Variants in SEMA3D observed in about 807,000 individuals in gnomAD.
SEMA3D encodes the protein semaphorin-3D.
A neutral mutation model predicts 100.1 loss-of-function variants in SEMA3D; 84 were observed. The observed-to-expected ratio is 0.84, with a 90% confidence interval of 0.70 to 1.01. SEMA3D has a LOEUF of 1.01. SEMA3D is among the 50% of genes least tolerant of loss of function. The probability of loss-of-function intolerance (pLI) is 0.00; values close to 1 mark genes in which losing one functional copy is unlikely to be tolerated. For synonymous variants in SEMA3D, 312 were observed against 320.7 expected (o/e 0.97, Z 0.29); for missense variants, 875 against 934.1 (o/e 0.94, Z 0.82).
the SEMA3D span, among the ~76,000 whole-genome samples, chr7:85,214,588 C>T: frequency 1.7e-4 from 26 of 150,178 alleles, no homozygotes; most frequent in African/African-American, 6.1e-4. Context: ...CCTCTACCTC[C>T]CGGGTTCAAG....
At chr7:85,086,885 C>T (rs770286971) in intron 4 of SEMA3D, among the ~76,000 whole-genome samples, 20 of 152,046 alleles carry the variant, frequency 1.3e-4, no homozygotes, top group African/African-American at 3.9e-4. Context: ...TTTGAGATTG[C>T]GTCACTATTA....
chr7:85,221,962 CATA>C, the SEMA3D span, among the ~76,000 whole-genome samples: 3 of 151,986 alleles, frequency 2.0e-5, no homozygotes, highest in Non-Finnish European at 2.9e-5. Flanking sequence ...GCAAGAAACA[CATA>C]ATAATCATTG....
chr7:85,243,629 T>C, the SEMA3D span, among the ~76,000 whole-genome samples: 1 of 152,208 alleles, frequency 6.6e-6, no homozygotes, highest in African/African-American at 2.4e-5. Flanking sequence ...GAATAGCAAA[T>C]TCTAAGCCCC....
intron 2 of SEMA3D, among the ~76,000 whole-genome samples, chr7:85,135,979 A>C (rs62462188): frequency 0.58 from 88,253 of 151,766 alleles, 27,223 homozygotes; most frequent in African/African-American, 0.8. Context: ...TCCCACATTT[A>C]TAGAAAATTC....
chr7:85,098,956 C>T (rs1210074333), intron 3 of SEMA3D, among the ~76,000 whole-genome samples: 1 of 151,816 alleles, frequency 6.6e-6, no homozygotes, highest in Non-Finnish European at 1.5e-5. Flanking sequence ...TGGCTTCTTT[C>T]ACTTAGTAAT....
At chr7:85,175,734 G>A (rs982554967) in intron 1 of SEMA3D, among the ~76,000 whole-genome samples, 1 of 151,868 alleles carries the variant, frequency 6.6e-6, no homozygotes, top group African/African-American at 2.4e-5. Context: ...GAATAATCTG[G>A]CTACTTTTAT....
chr7:85,019,954 C>T (rs1338090884), intron 14 of SEMA3D, among the ~76,000 whole-genome samples: 3 of 151,578 alleles, frequency 2.0e-5, no homozygotes, highest in Non-Finnish European at 3.0e-5. Context: ...CCCAGGCTTT[C>T]ATTTAATGTG....
At chr7:85,111,724 A>C (rs1041286034) in intron 3 of SEMA3D, among the ~76,000 whole-genome samples, 3 of 152,062 alleles carry the variant, frequency 2.0e-5, no homozygotes, top group African/African-American at 7.2e-5. Flanking sequence ...GTGGATTCCC[A>C]TAATACTCAG....
rs117971154 is a variant in SEMA3D, at chr7:85,164,432, G to A, written c.-172-10693C>T. Among the ~76,000 whole-genome samples, 918 of 152,164 alleles carry A rather than the reference G, an allele frequency of 6.0e-3. 6 individuals are homozygous for A. The highest frequency in any genetic ancestry group is 9.2e-3 in the Non-Finnish European group (627 of 68,002). On this transcript the variant is annotated intron_variant, in intron 1 of 18. Coordinates refer to ENST00000284136, the MANE Select transcript of SEMA3D (RefSeq NM_001384900.1). ...CTAAGCAGATAGAGAGCATTTTTGA[G>A]CTGCAAATCTTTAAAAAATATTTTT... is the stretch of plus-strand genomic sequence containing the variant.
At chr7:85,109,223 C>A (rs1789019362) in intron 3 of SEMA3D, among the ~76,000 whole-genome samples, 1 of 151,834 alleles carries the variant, frequency 6.6e-6, no homozygotes, top group Admixed American at 6.6e-5. Flanking sequence ...GATGAGAAAA[C>A]CTAGACTCAG....
rs773407335 is a variant in SEMA3D at position 85,006,938 on chromosome 7, A to G, written c.1772T>C (p.Ile591Thr). Residue 591 changes from isoleucine to threonine, a missense_variant, in exon 18 of 19, where the codon ATT (isoleucine) becomes ACT (threonine). Coordinates refer to ENST00000284136, the MANE Select transcript of SEMA3D (RefSeq NM_001384900.1). ...CTTTTCATCAGCAGTTTCATGACTA[A>G]TGCCTGGAAAGCAAACATGGAATAA... ...ITQCWDIEDS[I>T]SHETADEKVI... is the part of the protein sequence containing the mutation. The G allele has an allele frequency of 1.2e-6, 2 of 1,608,932 alleles. No individual in the cohort carries two copies. Among genetic ancestry groups the G allele is most frequent in the Non-Finnish European group, 1.7e-6 (2 of 1,176,926 alleles).
chr7:85,062,385 C>T (rs987756171), intron 8 of SEMA3D, among the ~76,000 whole-genome samples: 1 of 151,844 alleles, frequency 6.6e-6, no homozygotes, highest in African/African-American at 2.4e-5. Flanking sequence ...TAATGAAGAC[C>T]TATAGGAAAA....
intron 6 of SEMA3D, among the ~76,000 whole-genome samples, chr7:85,071,542 CAG>C (rs1338317496): frequency 1.3e-5 from 2 of 152,172 alleles, no homozygotes; most frequent in African/African-American, 4.8e-5. Context: ...CACTTAAAGA[CAG>C]GGTATGTTCT....
intron 9 of SEMA3D, among the ~76,000 whole-genome samples, chr7:85,043,096 G>T (rs2115998189): frequency 6.6e-6 from 1 of 152,116 alleles, no homozygotes; most frequent in East Asian, 1.9e-4. Flanking sequence ...CCATCCTTTT[G>T]CCTATAATCA....
intron 13 of SEMA3D, among the ~76,000 whole-genome samples, chr7:85,022,000 T>C (rs7786549): frequency 0.026 from 3,920 of 151,942 alleles, 179 homozygotes; most frequent in African/African-American, 0.089. Flanking sequence ...AAATCTATCT[T>C]AAGTCAACTA....
the SEMA3D span, among the ~76,000 whole-genome samples, chr7:85,248,895 A>G: frequency 6.6e-6 from 1 of 152,180 alleles, no homozygotes; most frequent in African/African-American, 2.4e-5. Flanking sequence ...TGATACTACA[A>G]TTGTGGATAT....
In SEMA3D at chr7:85,013,377, A is replaced by G. The variant is rs369349743; in HGVS notation, c.1704-531T>C. 1.4e-4 allele frequency among the ~76,000 whole-genome samples: 22 copies of G among 151,860 alleles called. No individual in the cohort carries two copies. The South Asian group carries it at 1.9e-3, about 13-fold the overall frequency. ...TTATAAATTCAGTGTGGTATAAAAG[A>G]CTACCTGTTATTTCTATCTGCTGAT... is the stretch of plus-strand genomic sequence containing the variant. On this transcript the variant is annotated intron_variant, in intron 16 of 18. Transcript: ENST00000284136.
the SEMA3D span, among the ~76,000 whole-genome samples, chr7:85,215,778 A>G: frequency 6.6e-6 from 1 of 152,134 alleles, no homozygotes; most frequent in African/African-American, 2.4e-5. Context: ...TTTTCCCAAC[A>G]AACAAGACAT....
chr7:85,243,117 G>A, the SEMA3D span, among the ~76,000 whole-genome samples: 1 of 152,058 alleles, frequency 6.6e-6, no homozygotes, highest in African/African-American at 2.4e-5. Flanking sequence ...GCTTCTGTTG[G>A]GTATTTCCTT....
Sources: gnomAD v4.1 joint callset for allele counts (sites outside exome capture counted in the v4.1 genomes callset) on GRCh38, gnomAD v4.1.1 for gene constraint, MANE v1.5 for transcripts, NCBI Gene and HGNC (gene_info 2026-07-23, HGNC 2026-07-21) for gene names.